The following ETV6 variants were observed in gnomAD, a reference collection of about 807,000 sequenced individuals.
The protein encoded by ETV6 is ETS variant transcription factor 6, also known as transcription factor ETV6.
A neutral mutation model predicts 51.1 loss-of-function variants in ETV6; 16 were observed. The ratio of observed to expected loss-of-function variants is 0.31; its 90% CI spans 0.21 to 0.48. The LOEUF (loss-of-function observed/expected upper bound fraction) is 0.48, where lower values mean the gene tolerates loss of function less well. ETV6 is among the 20% of genes least tolerant of loss of function. ETV6 has a pLI of 0.99. For synonymous variants in ETV6, 240 were observed against 224.1 expected (o/e 1.07, Z -0.64); for missense variants, 458 against 594.8 (o/e 0.77, Z 2.39).
At chr12:11,866,175 C>A (rs1946788170) in intron 4 of ETV6, among the ~76,000 whole-genome samples, 1 of 151,998 alleles carries the variant, frequency 6.6e-6, no homozygotes. Context: ...TTATACTTTT[C>A]AGTTATAGAA....
chr12:11,881,494 C>G (rs1947092955), intron 5 of ETV6, among the ~76,000 whole-genome samples: 1 of 152,200 alleles, frequency 6.6e-6, no homozygotes. Flanking sequence ...AAGGCCCTGG[C>G]AGATGAGGCA....
At chr12:11,791,272 G>GC (rs1252948832) in intron 2 of ETV6, among the ~76,000 whole-genome samples, 7 of 151,940 alleles carry the variant, frequency 4.6e-5, no homozygotes, top group Non-Finnish European at 7.4e-5. Flanking sequence ...GTAGATTTGT[G>GC]CCTTCTTAAA....
In ETV6 at chr12:11,652,888, T is replaced by C. The variant is rs1863932560; in HGVS notation, c.33+2728T>C. Reference sequence around the variant, plus strand: ...AAGGGCTTTTCTGTTTCTTTTGCACTGTGTAAGTTTGCTCCCATCGCCTGG... The same window carrying C: ...AAGGGCTTTTCTGTTTCTTTTGCACCGTGTAAGTTTGCTCCCATCGCCTGG... On this transcript the variant is annotated intron_variant, in intron 1 of 7. Transcript: ENST00000396373. 3.3e-5 allele frequency among the ~76,000 whole-genome samples: 5 copies of C among 152,214 alleles called. No individual in the cohort carries two copies. In the South Asian group the frequency reaches 1.0e-3, roughly 31 times the overall value.
At chr12:11,676,594 C>T (rs1366134661) in intron 1 of ETV6, among the ~76,000 whole-genome samples, 1 of 152,224 alleles carries the variant, frequency 6.6e-6, no homozygotes, top group Non-Finnish European at 1.5e-5. Context: ...TGGCTCTTTC[C>T]TAGGTCTTAT....
chr12:11,734,139 A>G (rs1301123328), intron 1 of ETV6, among the ~76,000 whole-genome samples: 1 of 152,142 alleles, frequency 6.6e-6, no homozygotes, highest in Non-Finnish European at 1.5e-5. Context: ...TCCCATTTTT[A>G]TTCTTATTTT....
intron 2 of ETV6, among the ~76,000 whole-genome samples, chr12:11,772,061 T>C (rs939416014): frequency 1.3e-5 from 2 of 152,216 alleles, no homozygotes; most frequent in African/African-American, 4.8e-5. Context: ...TAATACAGTG[T>C]GCCTTTTCCT....
intron 2 of ETV6, among the ~76,000 whole-genome samples, chr12:11,788,070 A>G (rs1945516022): frequency 6.6e-6 from 1 of 152,210 alleles, no homozygotes; most frequent in Non-Finnish European, 1.5e-5. Flanking sequence ...CTTTCCCTCC[A>G]ACAAAGCAAG....
intron 2 of ETV6, among the ~76,000 whole-genome samples, chr12:11,768,368 C>T (rs1045668609): frequency 1.3e-5 from 2 of 152,070 alleles, no homozygotes; most frequent in Non-Finnish European, 2.9e-5. Flanking sequence ...TTTTATTCTC[C>T]CAGCAAGCCT....
intron 5 of ETV6, among the ~76,000 whole-genome samples, chr12:11,877,256 C>T (rs1947004343): frequency 6.6e-6 from 1 of 151,700 alleles, no homozygotes; most frequent in Non-Finnish European, 1.5e-5. Context: ...CTTCCTCCCA[C>T]AGTGTTTAAT....
intron 1 of ETV6, among the ~76,000 whole-genome samples, chr12:11,742,805 C>CTTTT (rs751007395): frequency 1.9e-4 from 15 of 78,668 alleles, no homozygotes; most frequent in African/African-American, 6.4e-4. Flanking sequence ...TTCTTTCTTT[C>CTTTT]TTTTTTTTTT....
chr12:11,791,052 C>G (rs1945580042), intron 2 of ETV6, among the ~76,000 whole-genome samples: 1 of 152,150 alleles, frequency 6.6e-6, no homozygotes, highest in Admixed American at 6.5e-5. Flanking sequence ...TCACATGTAA[C>G]TAGTGACACC....
chr12:11,730,276 A>G (rs938930120), intron 1 of ETV6, among the ~76,000 whole-genome samples: 41 of 152,236 alleles, frequency 2.7e-4, no homozygotes, highest in Non-Finnish European at 4.8e-4. Context: ...TTGTGGTGAG[A>G]AAACCTTATC....
At chr12:11,679,246 AC>A (rs1864480141) in intron 1 of ETV6, among the ~76,000 whole-genome samples, 1 of 151,986 alleles carries the variant, frequency 6.6e-6, no homozygotes, top group African/African-American at 2.4e-5. Flanking sequence ...TTCTTTACCC[AC>A]CCCTTTGACT....
At chr12:11,681,016 C>G (rs558946586) in intron 1 of ETV6, among the ~76,000 whole-genome samples, 1 of 152,246 alleles carries the variant, frequency 6.6e-6, no homozygotes, top group South Asian at 2.1e-4. Context: ...AAAGCCTGGT[C>G]GACATTTTCT....
At chr12:11,703,878 A>G (rs994345871) in intron 1 of ETV6, among the ~76,000 whole-genome samples, 1 of 152,248 alleles carries the variant, frequency 6.6e-6, no homozygotes, top group Non-Finnish European at 1.5e-5. Context: ...CCAACTTTAT[A>G]AAGAGATCAG....
intron 1 of ETV6, among the ~76,000 whole-genome samples, chr12:11,695,403 G>A (rs1277924996): frequency 6.6e-6 from 1 of 152,186 alleles, no homozygotes; most frequent in Non-Finnish European, 1.5e-5. Context: ...GAATTCTCCT[G>A]CCAGGCACTG....
intron 2 of ETV6, among the ~76,000 whole-genome samples, chr12:11,837,396 G>A (rs549238506): frequency 6.6e-6 from 1 of 152,138 alleles, no homozygotes; most frequent in South Asian, 2.1e-4. Flanking sequence ...CTACAAAAAA[G>A]GAATTTTGGT....
chr12:11,872,558 A>G (rs373098943), intron 5 of ETV6, among the ~76,000 whole-genome samples: 1 of 150,598 alleles, frequency 6.6e-6, no homozygotes, highest in South Asian at 2.1e-4. Context: ...CAGTGATGCA[A>G]TCTCGGCTCA....
chr12:11,778,782 T>C (rs1354298776), intron 2 of ETV6, among the ~76,000 whole-genome samples: 2 of 152,238 alleles, frequency 1.3e-5, no homozygotes, highest in African/African-American at 4.8e-5. Context: ...ATATAAAAGC[T>C]AAGTTCTTTC....
Sources: gnomAD v4.1 joint callset for allele counts (sites outside exome capture counted in the v4.1 genomes callset) on GRCh38, gnomAD v4.1.1 for gene constraint, MANE v1.5 for transcripts, NCBI Gene and HGNC (gene_info 2026-07-23, HGNC 2026-07-21) for gene names.